The following GALNT13 variants were observed in gnomAD, a reference collection of about 807,000 sequenced individuals.
GALNT13 encodes the protein polypeptide N-acetylgalactosaminyltransferase 13.
Under a neutral mutation model 64.2 loss-of-function variants are expected in GALNT13, and 28 were observed. The observed-to-expected ratio is 0.44, with a 90% confidence interval of 0.32 to 0.60. The LOEUF is 0.60. GALNT13 is among the 20% of genes least tolerant of loss of function. GALNT13 has a pLI of 0.05. For missense variants in GALNT13, 577 were observed against 669.8 expected (o/e 0.86, Z 1.53); for synonymous variants, 214 against 224.6 (o/e 0.95, Z 0.42).
At chr2:154,367,218 A>AAATAACTAT (rs1354947723) in intron 9 of GALNT13, among the ~76,000 whole-genome samples, 1 of 152,190 alleles carries the variant, frequency 6.6e-6, no homozygotes, top group African/African-American at 2.4e-5. Context: ...ATCATTCTAA[A>AAATAACTAT]AATAACTATC....
At chr2:154,257,598 A>C (rs1488854615) in intron 7 of GALNT13, 1 of 152,184 alleles carries the variant, frequency 6.6e-6, no homozygotes, top group Non-Finnish European at 1.5e-5. Flanking sequence ...ATAGGAACCC[A>C]GCAAGGCGAA....
At chr2:154,024,865 G>T (rs1274430631) in intron 3 of GALNT13, among the ~76,000 whole-genome samples, 1 of 152,082 alleles carries the variant, frequency 6.6e-6, no homozygotes, top group Non-Finnish European at 1.5e-5. Flanking sequence ...ATACTGATGG[G>T]TTTTTGGTGT....
intron 9 of GALNT13, among the ~76,000 whole-genome samples, chr2:154,350,743 G>A (rs1286316867): frequency 1.3e-5 from 2 of 152,152 alleles, no homozygotes; most frequent in Non-Finnish European, 2.9e-5. Context: ...TGTGGCGGGG[G>A]AAGGTACAGT....
At chr2:153,887,166 G>C (rs775928579) in intron 1 of GALNT13, among the ~76,000 whole-genome samples, 3 of 151,844 alleles carry the variant, frequency 2.0e-5, no homozygotes, top group Non-Finnish European at 4.4e-5. Context: ...ACAGCACTAT[G>C]AGCTAGATAT....
At chr2:153,097,348 T>C in the GALNT13 span, among the ~76,000 whole-genome samples, 14 of 152,310 alleles carry the variant, frequency 9.2e-5, no homozygotes, top group South Asian at 2.9e-3. Context: ...GTACTTACTA[T>C]TACCAGTAAG....
At chr2:153,092,996 G>A in the GALNT13 span, among the ~76,000 whole-genome samples, 20 of 151,174 alleles carry the variant, frequency 1.3e-4, 1 homozygote, top group African/African-American at 4.4e-4. Flanking sequence ...TGTCACATAT[G>A]GTTTTTATTA....
the GALNT13 span, among the ~76,000 whole-genome samples, chr2:153,274,174 G>C: frequency 6.6e-6 from 1 of 152,092 alleles, no homozygotes; most frequent in East Asian, 1.9e-4. Context: ...TTGCACTCCA[G>C]CCTGGGCGAC....
chr2:153,961,606 A>C (rs1003536050), intron 3 of GALNT13, among the ~76,000 whole-genome samples: 2 of 152,188 alleles, frequency 1.3e-5, no homozygotes, highest in African/African-American at 4.8e-5. Context: ...ACAATGAAAA[A>C]ATTAGCAGAC....
At position 154,452,241 on chromosome 2, in the gene GALNT13, AT is replaced by A. The variant is rs1310939249; in HGVS notation, c.*1699del. ...TAAGCAAAATGTTGAATATCAGGGC[AT>A]TTTTTTTTCTGAGGTGGGAGTATGT... On this transcript the variant is annotated 3_prime_UTR_variant, in exon 13 of 13. Coordinates refer to ENST00000392825, the MANE Select transcript of GALNT13 (RefSeq NM_052917.4). 3 of 151,064 alleles carry A rather than the reference AT, an allele frequency of 2.0e-5. No homozygotes were observed. Among genetic ancestry groups the A allele is most frequent in the Non-Finnish European group, 4.4e-5 (3 of 67,622 alleles). 9.4% of individuals were successfully genotyped at this position (151,064 alleles called of 1,614,324 possible).
At chr2:154,155,177 A>T (rs937687125) in intron 4 of GALNT13, among the ~76,000 whole-genome samples, 2 of 152,058 alleles carry the variant, frequency 1.3e-5, no homozygotes, top group Non-Finnish European at 2.9e-5. Flanking sequence ...CAGAAATTCA[A>T]TTAATATTCT....
chr2:153,437,435 C>G, the GALNT13 span, among the ~76,000 whole-genome samples: 1 of 152,138 alleles, frequency 6.6e-6, no homozygotes, highest in Non-Finnish European at 1.5e-5. Flanking sequence ...GTGTTAAAGT[C>G]TCCCACTATT....
At chr2:153,349,071 T>C in the GALNT13 span, among the ~76,000 whole-genome samples, 62 of 152,322 alleles carry the variant, frequency 4.1e-4, no homozygotes, top group South Asian at 3.1e-3. Flanking sequence ...CATTTCAAGC[T>C]CCTATGTCTT....
chr2:154,163,914 T>C (rs1684879278), intron 4 of GALNT13, among the ~76,000 whole-genome samples: 1 of 152,194 alleles, frequency 6.6e-6, no homozygotes, highest in Non-Finnish European at 1.5e-5. Flanking sequence ...AGTTTTTTTG[T>C]TTATAAAATA....
At chr2:153,512,079 GT>G in the GALNT13 span, among the ~76,000 whole-genome samples, 1 of 152,162 alleles carries the variant, frequency 6.6e-6, no homozygotes, top group South Asian at 2.1e-4. Flanking sequence ...CAATGGAGGA[GT>G]TGGGGATAAC....
chr2:153,124,333 A>G, the GALNT13 span, among the ~76,000 whole-genome samples: 1 of 152,236 alleles, frequency 6.6e-6, no homozygotes, highest in Non-Finnish European at 1.5e-5. Flanking sequence ...AAACTGTGAT[A>G]TAATAAATGT....
At chr2:154,195,861 C>T (rs538639069) in intron 4 of GALNT13, among the ~76,000 whole-genome samples, 9 of 152,104 alleles carry the variant, frequency 5.9e-5, no homozygotes, top group Non-Finnish European at 1.2e-4. Flanking sequence ...TTCTGGTGCC[C>T]CAACCCCTGC....
intron 3 of GALNT13, among the ~76,000 whole-genome samples, chr2:154,047,958 C>G (rs753081387): frequency 1.3e-5 from 2 of 152,170 alleles, no homozygotes; most frequent in Non-Finnish European, 2.9e-5. Flanking sequence ...TCCATTTTCA[C>G]ATTGCTATAA....
chr2:153,308,658 G>A, the GALNT13 span, among the ~76,000 whole-genome samples: 1 of 152,200 alleles, frequency 6.6e-6, no homozygotes, highest in South Asian at 2.1e-4. Flanking sequence ...TATTCTGAAA[G>A]ATCAAGCTTG....
the GALNT13 span, among the ~76,000 whole-genome samples, chr2:153,779,148 G>A: frequency 2.0e-5 from 3 of 152,074 alleles, no homozygotes; most frequent in Non-Finnish European, 4.4e-5. Flanking sequence ...CTTCAGAGAT[G>A]GGCACATATC....
Sources: allele counts gnomAD v4.1 joint callset (sites outside exome capture counted in the v4.1 genomes callset), GRCh38; gene constraint gnomAD v4.1.1; transcripts MANE v1.5; gene names NCBI Gene and HGNC (gene_info 2026-07-23, HGNC 2026-07-21).